COL4A6: variants seen among roughly 807,000 people sequenced by gnomAD.
The protein encoded by COL4A6 is collagen type IV alpha 6 chain.
A neutral mutation model predicts 126.7 loss-of-function variants in COL4A6; 59 were observed. That is an observed-to-expected ratio of 0.47 (90% CI 0.38 to 0.58). The LOEUF is 0.58. Among genes scored for constraint, COL4A6 ranks in the 20% least tolerant of loss-of-function variants. COL4A6 has a pLI of 0.00. For missense variants in COL4A6, 1,285 were observed against 1,337.3 expected (o/e 0.96, Z 0.61); for synonymous variants, 547 against 496.6 (o/e 1.10, Z -1.35).
intron 2 of COL4A6, among the ~76,000 whole-genome samples, chrX:108,429,026 G>A (rs2064135513): frequency 8.9e-6 from 1 of 112,271 alleles, no homozygotes; most frequent in African/African-American, 3.2e-5. Context: ...ATTAAGAACT[G>A]TAAACAACTT....
At chrX:108,383,496 G>A (rs1705024069) in intron 2 of COL4A6, 1 of 436,605 alleles carries the variant, frequency 2.3e-6, no homozygotes, top group African/African-American at 2.5e-5. Flanking sequence ...TGAGGAAGAT[G>A]TTGGTGGCCC....
At chrX:108,186,584 AG>A (rs1163791349) in intron 23 of COL4A6, among the ~76,000 whole-genome samples, 7 of 111,957 alleles carry the variant, frequency 6.3e-5, no homozygotes, top group Non-Finnish European at 1.1e-4. Context: ...AAATTCAAGT[AG>A]AAAAAGAAGT....
intron 3 of COL4A6, among the ~76,000 whole-genome samples, chrX:108,244,702 T>C (rs779284175): frequency 1.6e-4 from 18 of 111,614 alleles, no homozygotes; most frequent in Non-Finnish European, 2.8e-4. Flanking sequence ...TGAGTAAGCT[T>C]TAGGTTGGTT....
chrX:108,251,676 C>A (rs1323100684), intron 3 of COL4A6, among the ~76,000 whole-genome samples: 6 of 111,692 alleles, frequency 5.4e-5, no homozygotes, highest in Non-Finnish European at 9.4e-5. Context: ...GGAGGAGAGA[C>A]AGATAAACAA....
intron 17 of COL4A6, among the ~76,000 whole-genome samples, chrX:108,192,801 G>A (rs1602766434): frequency 8.9e-6 from 1 of 112,603 alleles, no homozygotes; most frequent in Admixed American, 9.3e-5. Flanking sequence ...TCTGGCCAAG[G>A]CCTGCCTTTC....
At chrX:108,308,715 G>C (rs1436606363) in intron 3 of COL4A6, among the ~76,000 whole-genome samples, 2 of 112,246 alleles carry the variant, frequency 1.8e-5, no homozygotes, top group South Asian at 7.4e-4. Flanking sequence ...ATGCTGATGG[G>C]AATATAAATT....
Position 108,291,438 on chromosome X carries a change from T to G in COL4A6, c.144+19310A>C, listed in dbSNP as rs149342068. Among the ~76,000 whole-genome samples the G allele has an allele frequency of 2.1e-3, 235 of 112,549 alleles. 3 individuals are homozygous for G. The highest frequency in any genetic ancestry group is 2.0e-3 in the Non-Finnish European group (104 of 53,321). On this transcript the variant is annotated intron_variant, in intron 3 of 44. Coordinates refer to ENST00000334504, the MANE Select transcript of COL4A6 (RefSeq NM_033641.4). ...TAAGCATTTTTACAAGTATTAAACATTCTTCCAAGAAACATTACTTTATGT... is the reference window on the plus strand; with the variant it reads ...TAAGCATTTTTACAAGTATTAAACAGTCTTCCAAGAAACATTACTTTATGT...
intron 8 of COL4A6, chrX:108,206,849 A>C (rs747850083): frequency 9.5e-6 from 4 of 421,337 alleles, no homozygotes; most frequent in Non-Finnish European, 1.3e-5. Context: ...TTAAGTGAAA[A>C]GCCAGACCCA....
At chrX:108,229,790 A>T (rs1251073401) in intron 3 of COL4A6, among the ~76,000 whole-genome samples, 1 of 111,825 alleles carries the variant, frequency 8.9e-6, no homozygotes, top group Admixed American at 9.5e-5. Flanking sequence ...GACACACCAC[A>T]AGAGGAAAGG....
chrX:108,282,511 G>A (rs2037869218), intron 3 of COL4A6, among the ~76,000 whole-genome samples: 1 of 111,448 alleles, frequency 9.0e-6, no homozygotes, highest in South Asian at 3.8e-4. Context: ...GTGCTGGAGA[G>A]GATGTGGAGA....
chrX:108,205,479 C>T lies in COL4A6; in HGVS notation c.647G>A (p.Gly216Glu). The change falls in exon 11 of 45, where the codon GGG (glycine) becomes GAG (glutamate). Residue 216 changes from glycine (G) to glutamate (E), a missense_variant and splice_region_variant. Physicochemically the swap from Gly to Glu is moderately conservative, Grantham distance 98. Coordinates refer to ENST00000334504, the MANE Select transcript of COL4A6 (RefSeq NM_033641.4). ...TCCTTGAAAACCTAGCCCCATATTC[C>T]CCTAGGGAATAGGGATATAGGGAGG... ...PGPPGPLGPD[G>E]NMGLGFQGEK... 1 of 1,199,436 alleles carries T rather than the reference C, an allele frequency of 8.3e-7. No homozygotes were observed. The highest frequency in any genetic ancestry group is 1.1e-6 in the Non-Finnish European group (1 of 885,284).
chrX:108,433,746 A>G (rs2064213891), intron 2 of COL4A6, among the ~76,000 whole-genome samples: 1 of 109,835 alleles, frequency 9.1e-6, no homozygotes. Flanking sequence ...CTGGTCTTGA[A>G]CTCATGAGCT....
At chrX:108,339,101 G>A (rs1033196906) in intron 2 of COL4A6, among the ~76,000 whole-genome samples, 1 of 112,059 alleles carries the variant, frequency 8.9e-6, no homozygotes, top group African/African-American at 3.2e-5. Flanking sequence ...GAAAGTTAGT[G>A]GGGTTGGTGG....
At chrX:108,321,674 A>G (rs1202850650) in intron 2 of COL4A6, among the ~76,000 whole-genome samples, 2 of 111,200 alleles carry the variant, frequency 1.8e-5, no homozygotes, top group Non-Finnish European at 3.8e-5. Context: ...AGAGCCAAAC[A>G]TCTAAAAGAG....
intron 3 of COL4A6, among the ~76,000 whole-genome samples, chrX:108,294,717 C>G (rs1362953965): frequency 3.6e-5 from 4 of 111,097 alleles, no homozygotes; most frequent in Non-Finnish European, 7.5e-5. Context: ...ATCATTTAAC[C>G]TCTGTAAATG....
chrX:108,245,277 C>T (rs775825664), intron 3 of COL4A6, among the ~76,000 whole-genome samples: 19 of 112,216 alleles, frequency 1.7e-4, no homozygotes, highest in Non-Finnish European at 2.4e-4. Flanking sequence ...ATGCTTCCAA[C>T]AGAAGGCTCA....
intron 3 of COL4A6, among the ~76,000 whole-genome samples, chrX:108,247,481 C>A (rs373727065): frequency 2.9e-4 from 32 of 110,468 alleles, no homozygotes; most frequent in African/African-American, 1.0e-3. Flanking sequence ...TTTCCCCCTG[C>A]CCTCAGACCA....
intron 41 of COL4A6, among the ~76,000 whole-genome samples, chrX:108,162,411 G>C (rs1466836859): frequency 9.4e-6 from 1 of 105,823 alleles, no homozygotes; most frequent in African/African-American, 3.4e-5. Flanking sequence ...AGAAGAAGAA[G>C]AAGAGGAAGA....
chrX:108,298,206 A>C (rs1365279683), intron 3 of COL4A6, among the ~76,000 whole-genome samples: 1 of 111,704 alleles, frequency 9.0e-6, no homozygotes, highest in East Asian at 2.9e-4. Context: ...TGTTTGGAAC[A>C]AGGGACGTTT....
Sources: gnomAD v4.1 joint callset for allele counts (sites outside exome capture counted in the v4.1 genomes callset) on GRCh38, gnomAD v4.1.1 for gene constraint, MANE v1.5 for transcripts, NCBI Gene and HGNC (gene_info 2026-07-23, HGNC 2026-07-21) for gene names.